The following WWOX variants were observed in gnomAD, a reference collection of about 807,000 sequenced individuals.
WWOX encodes WW domain-containing oxidoreductase.
A neutral mutation model predicts 46.2 loss-of-function variants in WWOX; 69 were observed. That is an observed-to-expected ratio of 1.49 (90% CI 1.23 to 1.82). The LOEUF is 1.82. WWOX is among the 40% of genes most tolerant of loss of function. The pLI is 0.00. For synonymous variants in WWOX, 359 were observed against 202.6 expected (o/e 1.77, Z -6.56); for missense variants, 919 against 542.6 (o/e 1.69, Z -6.89).
In WWOX at chr16:78,355,418, C is replaced by T. The variant is rs528543877; in HGVS notation, c.517-31442C>T. 6.7e-5 allele frequency: 19 copies of T among 282,422 alleles called. No homozygotes were observed. The East Asian group carries it at 6.7e-4, about 10-fold the overall frequency. The allele number at this position is 282,422 out of a possible 1,614,324, so 17.5% of individuals were successfully genotyped here. A position where few individuals can be genotyped will look rare whatever the true frequency, so the allele number is the denominator to read the frequency against. ...GAGATCGAGACCATCCTGGCTAACA[C>T]GGTGAAACCGTGTCTCTACTAAAAG... is the stretch of plus-strand genomic sequence containing the variant. On this transcript the variant is annotated intron_variant, in intron 5 of 8. Coordinates refer to ENST00000566780, the MANE Select transcript of WWOX (RefSeq NM_016373.4).
chr16:78,954,604 A>G (rs1018115723), intron 8 of WWOX, among the ~76,000 whole-genome samples: 1 of 152,216 alleles, frequency 6.6e-6, no homozygotes, highest in Non-Finnish European at 1.5e-5. Flanking sequence ...GGAAACAGAC[A>G]CATAAATAAG....
chr16:78,743,936 C>G (rs2049288762), intron 8 of WWOX, among the ~76,000 whole-genome samples: 1 of 152,192 alleles, frequency 6.6e-6, no homozygotes, highest in Non-Finnish European at 1.5e-5. Context: ...GCTGCTCCCA[C>G]CGTTTGGAGT....
intron 8 of WWOX, among the ~76,000 whole-genome samples, chr16:78,926,155 T>C (rs993766142): frequency 1.3e-5 from 2 of 152,068 alleles, no homozygotes. Flanking sequence ...GGGTGGATCA[T>C]TTGAGCCCAG....
rs529929973 is a variant in WWOX at position 78,862,400 on chromosome 16, G to A, written c.1057-349208G>A. On this transcript the variant is annotated intron_variant, in intron 8 of 8. Coordinates refer to ENST00000566780, the MANE Select transcript of WWOX (RefSeq NM_016373.4). ...AGAGTATACATATACACACTATAGT[G>A]TATGTACTATACACTGTGTACTAAT... is the stretch of plus-strand genomic sequence containing the variant. 2.0e-5 allele frequency among the ~76,000 whole-genome samples: 3 copies of A among 151,338 alleles called. No individual in the cohort carries two copies. The South Asian group carries it at 6.3e-4, about 32-fold the overall frequency.
chr16:79,180,362 A>G (rs1044367818), intron 8 of WWOX, among the ~76,000 whole-genome samples: 3 of 152,228 alleles, frequency 2.0e-5, no homozygotes, highest in Non-Finnish European at 4.4e-5. Context: ...AGTGATTTGA[A>G]TACTATAAAT....
At chr16:78,854,387 C>T (rs2052520558) in intron 8 of WWOX, among the ~76,000 whole-genome samples, 2 of 152,200 alleles carry the variant, frequency 1.3e-5, no homozygotes, top group African/African-American at 4.8e-5. Flanking sequence ...TTGAAATTAT[C>T]ATGAAACACA....
rs191867201 is a variant in WWOX at position 78,427,541 on chromosome 16, C to T, written c.791+2486C>T. On this transcript the variant is annotated intron_variant, in intron 7 of 8. Transcript: ENST00000566780. ...ACAAAATCACACATACACGCACGCA[C>T]GCACACACACACACACGGAGTTTCT... 2.2e-3 allele frequency among the ~76,000 whole-genome samples: 338 copies of T among 151,672 alleles called. 2 individuals carry two copies. The highest frequency in any genetic ancestry group is 0.01 in the Middle Eastern group (3 of 294).
chr16:79,179,583 A>G (rs570221049), intron 8 of WWOX, among the ~76,000 whole-genome samples: 2 of 152,336 alleles, frequency 1.3e-5, no homozygotes, highest in Admixed American at 6.5e-5. Context: ...CTAGGTGTGG[A>G]AAGCAATGTA....
chr16:78,152,362 G>A (rs373516956), intron 4 of WWOX, among the ~76,000 whole-genome samples: 3 of 150,148 alleles, frequency 2.0e-5, no homozygotes, highest in South Asian at 2.1e-4. Flanking sequence ...AGATAATGCC[G>A]TACTGAATAT....
intron 8 of WWOX, among the ~76,000 whole-genome samples, chr16:78,442,827 C>A (rs189714364): frequency 3.3e-5 from 5 of 151,212 alleles, no homozygotes; most frequent in Admixed American, 6.6e-5. Context: ...TAAAAAGATA[C>A]AAAAAAATTG....
At chr16:78,635,445 G>A (rs1001900264) in intron 8 of WWOX, among the ~76,000 whole-genome samples, 5 of 152,150 alleles carry the variant, frequency 3.3e-5, no homozygotes, top group Admixed American at 2.6e-4. Context: ...TGGGCAAGAA[G>A]GGAAGGAGAA....
chr16:78,627,932 C>G (rs957049708), intron 8 of WWOX, among the ~76,000 whole-genome samples: 1 of 152,234 alleles, frequency 6.6e-6, no homozygotes, highest in African/African-American at 2.4e-5. Context: ...ATCTTGTTTT[C>G]TGCCTTGAGT....
rs111979292 is a variant in WWOX, at chr16:78,420,771, G to A, written c.606-4099G>A. Among the ~76,000 whole-genome samples, 1,206 of 151,720 alleles carry A rather than the reference G, an allele frequency of 7.9e-3. 13 individuals are homozygous for A. Among genetic ancestry groups the A allele is most frequent in the South Asian group, 0.021 (102 of 4,784 alleles). On this transcript the variant is annotated intron_variant, in intron 6 of 8. Coordinates refer to ENST00000566780, the MANE Select transcript of WWOX (RefSeq NM_016373.4). ...TATACATAGGTAGATTTTATGGTAT[G>A]TGCATTATATTTCAGTAAAGTTCTT...
chr16:78,479,616 C>T (rs1008020012), intron 8 of WWOX, among the ~76,000 whole-genome samples: 1 of 152,162 alleles, frequency 6.6e-6, no homozygotes, highest in Non-Finnish European at 1.5e-5. Context: ...TGTCACTGCT[C>T]TCGTTGCCTC....
rs186812966 is a variant in WWOX at position 78,242,101 on chromosome 16, A to T, written c.516+77812A>T. Among the ~76,000 whole-genome samples, 1,012 of 152,298 alleles carry T rather than the reference A, an allele frequency of 6.6e-3. 10 individuals carry two copies. Among genetic ancestry groups the T allele is most frequent in the African/African-American group, 0.023 (972 of 41,572 alleles). The stretch of plus-strand genomic sequence containing the variant: ...GCCTTGCCGCCCTGCAGACTTGAAG[A>T]ATTGCGACGTCGGCCTAACATAATT... On this transcript the variant is annotated intron_variant, in intron 5 of 8. Transcript: ENST00000566780.
intron 8 of WWOX, among the ~76,000 whole-genome samples, chr16:78,455,643 C>CAAAA (rs57754374): frequency 9.9e-5 from 6 of 60,506 alleles, no homozygotes; most frequent in African/African-American, 3.5e-4. Flanking sequence ...GACTCTGTCT[C>CAAAA]AAAAAAAAAA....
chr16:78,811,962 C>G (rs1167003319), intron 8 of WWOX, among the ~76,000 whole-genome samples: 1 of 151,742 alleles, frequency 6.6e-6, no homozygotes, highest in Admixed American at 6.6e-5. Context: ...AAGAATTGTG[C>G]CAGACATGTA....
intron 5 of WWOX, among the ~76,000 whole-genome samples, chr16:78,334,156 T>A (rs1254639619): frequency 6.6e-6 from 1 of 152,194 alleles, no homozygotes; most frequent in Admixed American, 6.5e-5. Context: ...TACCTGGAAA[T>A]GTAAATGCAT....
At chr16:78,305,893 A>C (rs1567488800) in intron 5 of WWOX, among the ~76,000 whole-genome samples, 1 of 151,938 alleles carries the variant, frequency 6.6e-6, no homozygotes, top group Non-Finnish European at 1.5e-5. Flanking sequence ...AGAAAGGCTC[A>C]TTGAGGAAAG....
Sources: allele counts gnomAD v4.1 joint callset (sites outside exome capture counted in the v4.1 genomes callset), GRCh38; gene constraint gnomAD v4.1.1; transcripts MANE v1.5; gene names NCBI Gene and HGNC (gene_info 2026-07-23, HGNC 2026-07-21).